MTMR2: variants seen among roughly 807,000 people sequenced by gnomAD.
MTMR2 encodes the protein phosphatidylinositol-3,5-bisphosphate 3-phosphatase MTMR2.
MTMR2 carries 55 observed loss-of-function variants against 86.9 expected under a neutral mutation model. The ratio of observed to expected loss-of-function variants is 0.63; its 90% CI spans 0.51 to 0.79. The LOEUF is 0.79. Among genes scored for constraint, MTMR2 ranks in the 30% least tolerant of loss-of-function variants. The pLI is 0.00. For synonymous variants in MTMR2, 241 were observed against 266.8 expected (o/e 0.90, Z 0.94); for missense variants, 659 against 772.3 (o/e 0.85, Z 1.74).
At chr11:95,923,691 C>T in intron 1 of MTMR2, 184 bp downstream of exon 1, 1 of 1,431,372 alleles carries the variant, frequency 7.0e-7, no homozygotes, top group Non-Finnish European at 9.1e-7. Context: ...CGAGTTTTAA[C>T]CTCCTTTTCC....
At chr11:95,872,750 T>C (rs2135506550) in intron 2 of MTMR2, among the ~76,000 whole-genome samples, 1 of 152,308 alleles carries the variant, frequency 6.6e-6, no homozygotes, top group Non-Finnish European at 1.5e-5. Flanking sequence ...GGCTGTGGGT[T>C]TGTCATAGAT....
chr11:95,920,964 T>C (rs1293235135), intron 1 of MTMR2, among the ~76,000 whole-genome samples: 1 of 152,094 alleles, frequency 6.6e-6, no homozygotes, highest in African/African-American at 2.4e-5. Context: ...CCTTCCTACT[T>C]CCCAAAAGGG....
At chr11:95,889,524 A>AG (rs1223043505) in intron 1 of MTMR2, among the ~76,000 whole-genome samples, 1 of 72,522 alleles carries the variant, frequency 1.4e-5, no homozygotes, top group East Asian at 4.6e-4. Flanking sequence ...TTGGGGGGGG[A>AG]GGGGGGCGGG....
At position 95,835,230 on chromosome 11, in the gene MTMR2, CAT is replaced by C; in HGVS notation, c.*58_*59del. On this transcript the variant is annotated 3_prime_UTR_variant, in exon 15 of 15. Transcript: ENST00000346299. ...TTCTAAATTCCGAAGACTTTCTACTCATAGAGCTGCCAGTGTAATCAAGAGTG... is the reference window on the plus strand; with the variant it reads ...TTCTAAATTCCGAAGACTTTCTACTCAGAGCTGCCAGTGTAATCAAGAGTG... The C allele has an allele frequency of 3.9e-6, 6 of 1,557,706 alleles. No individual in the cohort carries two copies. The highest frequency in any genetic ancestry group is 4.4e-6 in the Non-Finnish European group (5 of 1,130,868).
In MTMR2 at chr11:95,924,055, G is replaced by A. The variant is rs888462381; in HGVS notation, c.-101C>T. ...TGCTACGGACCGGGGCCGCAGTCAG[G>A]CCAGCGCCGGCCCGGGAGGGAGACC... On this transcript the variant is annotated 5_prime_UTR_variant, in exon 1 of 15. Transcript: ENST00000346299. 7.3e-5 allele frequency: 105 copies of A among 1,439,496 alleles called. 7 individuals carry two copies. The South Asian group carries it at 1.2e-3, about 16-fold the overall frequency. 89.2% of individuals were successfully genotyped at this position (1,439,496 alleles called of 1,614,324 possible). A position where few individuals can be genotyped will look rare whatever the true frequency, so the allele number is the denominator to read the frequency against.
chr11:95,893,964 G>A (rs1453395719), intron 1 of MTMR2, among the ~76,000 whole-genome samples: 1 of 152,060 alleles, frequency 6.6e-6, no homozygotes, highest in African/African-American at 2.4e-5. Context: ...AATCTTCATT[G>A]ATTCCTCACT....
At chr11:95,884,389 A>C (rs564382708) in intron 2 of MTMR2, among the ~76,000 whole-genome samples, 1 of 152,340 alleles carries the variant, frequency 6.6e-6, no homozygotes, top group African/African-American at 2.4e-5. Flanking sequence ...AACTAAGAAA[A>C]TCTCACTTAG....
intron 2 of MTMR2, among the ~76,000 whole-genome samples, chr11:95,885,192 G>A (rs1228441131): frequency 1.3e-5 from 2 of 152,032 alleles, no homozygotes; most frequent in African/African-American, 4.8e-5. Context: ...AAACCTGAAG[G>A]GACAACTATT....
chr11:95,845,291 A>G, intron 10 of MTMR2, 132 bp from the exon 11 acceptor site: 1 of 858,562 alleles, frequency 1.2e-6, no homozygotes, highest in Non-Finnish European at 1.9e-6. Context: ...CTTCCTAAGA[A>G]GAATTTTTTT....
At chr11:95,847,982 A>C (rs1407524128) in intron 9 of MTMR2, 83 bp from the exon 10 acceptor site, 2 of 1,312,740 alleles carry the variant, frequency 1.5e-6, no homozygotes, top group Admixed American at 3.6e-5. Context: ...ATAGCATAAA[A>C]GATGATACAT....
intron 8 of MTMR2, 47 bp downstream of exon 8, chr11:95,850,553 T>C (rs1863975741): frequency 6.3e-7 from 1 of 1,577,516 alleles, no homozygotes; most frequent in Non-Finnish European, 8.7e-7. Context: ...CAGCATTATG[T>C]TGAGTAAAAA....
chr11:95,874,723 T>C (rs1292573856), intron 2 of MTMR2, among the ~76,000 whole-genome samples: 3 of 152,236 alleles, frequency 2.0e-5, no homozygotes, highest in South Asian at 2.1e-4. Context: ...GTTTTTGCAG[T>C]GGCTGGTACC....
At chr11:95,902,714 C>T (rs1390996143) in intron 1 of MTMR2, among the ~76,000 whole-genome samples, 1 of 152,106 alleles carries the variant, frequency 6.6e-6, no homozygotes, top group African/African-American at 2.4e-5. Context: ...CTAGTTTTTA[C>T]CTGAGGACAC....
intron 2 of MTMR2, among the ~76,000 whole-genome samples, chr11:95,883,489 AGG>A (rs1430978104): frequency 2.6e-5 from 4 of 152,224 alleles, no homozygotes; most frequent in African/African-American, 9.6e-5. Flanking sequence ...TTACTTCCAG[AGG>A]GAGAACAAAT....
chr11:95,883,741 C>G (rs1865422337), intron 2 of MTMR2, among the ~76,000 whole-genome samples: 1 of 152,194 alleles, frequency 6.6e-6, no homozygotes, highest in Non-Finnish European at 1.5e-5. Flanking sequence ...TTCCATTCTG[C>G]TTTACTGATG....
At chr11:95,887,424 A>C (rs1010939208) in intron 2 of MTMR2, among the ~76,000 whole-genome samples, 2 of 146,736 alleles carry the variant, frequency 1.4e-5, no homozygotes, top group African/African-American at 4.9e-5. Context: ...TTTTTGGAGA[A>C]AAAAAAAACG....
At chr11:95,865,809 T>C in intron 2 of MTMR2, 133 bp from the exon 3 acceptor site, 1 of 748,108 alleles carries the variant, frequency 1.3e-6, no homozygotes, top group Non-Finnish European at 2.3e-6. Context: ...TCAAATTTGT[T>C]AAACTGTAGT....
chr11:95,903,938 C>G (rs1335804513), intron 1 of MTMR2, among the ~76,000 whole-genome samples: 2 of 152,048 alleles, frequency 1.3e-5, no homozygotes, highest in African/African-American at 4.8e-5. Flanking sequence ...GATGGTGAAA[C>G]CTCGTCTCTA....
intron 2 of MTMR2, among the ~76,000 whole-genome samples, chr11:95,866,042 G>T (rs1259219213): frequency 2.0e-5 from 3 of 152,178 alleles, no homozygotes; most frequent in Non-Finnish European, 2.9e-5. Flanking sequence ...TAGTTAAAGT[G>T]CCAGTGTGTA....
Sources: gnomAD v4.1 joint callset for allele counts (sites outside exome capture counted in the v4.1 genomes callset) on GRCh38, gnomAD v4.1.1 for gene constraint, MANE v1.5 for transcripts, NCBI Gene and HGNC (gene_info 2026-07-23, HGNC 2026-07-21) for gene names.